Variants in KIDINS220 observed in about 807,000 individuals in gnomAD.
KIDINS220 encodes kinase D interacting substrate 220, also known as kinase D-interacting substrate of 220 kDa.
Under a neutral mutation model 157.6 loss-of-function variants are expected in KIDINS220, and 63 were observed. That is an observed-to-expected ratio of 0.40 (90% confidence interval 0.33 to 0.49). The LOEUF (loss-of-function observed/expected upper bound fraction) is 0.49. Among genes scored for constraint, KIDINS220 ranks in the 20% least tolerant of loss-of-function variants. The pLI is 0.66. For synonymous variants in KIDINS220, 732 were observed against 783.6 expected, an observed-to-expected ratio of 0.93 and a Z score of 1.10; for missense variants, 1,772 against 2,171.2, an observed-to-expected ratio of 0.82 and a Z score of 3.65.
At chr2:8,734,624 T>C (rs745470130) in intron 28 of KIDINS220, 31 bp downstream of exon 28, 19 of 1,406,272 alleles carry the variant, frequency 1.4e-5, no homozygotes, top group Non-Finnish European at 1.8e-5. Flanking sequence ...AAAATAATGT[T>C]GTAAACATCA....
downstream of KIDINS220, among the ~76,000 whole-genome samples, chr2:8,726,036 G>A (rs1476223986): frequency 6.6e-6 from 1 of 152,160 alleles, no homozygotes; most frequent in Non-Finnish European, 1.5e-5. Context: ...AAGCAGGAAC[G>A]CTTGTCTTTA....
chr2:8,782,421 T>A (rs1425132237), intron 17 of KIDINS220, among the ~76,000 whole-genome samples: 1 of 152,176 alleles, frequency 6.6e-6, no homozygotes, highest in African/African-American at 2.4e-5. Context: ...TACAAACAAC[T>A]CTATGCCCAC....
chr2:8,753,131 G>A (rs903607181), intron 22 of KIDINS220, among the ~76,000 whole-genome samples: 8 of 152,186 alleles, frequency 5.3e-5, no homozygotes, highest in African/African-American at 1.7e-4. Flanking sequence ...AAGACAAGAG[G>A]TAGATGAGAA....
chr2:8,765,535 T>C (rs1356804981), intron 22 of KIDINS220, among the ~76,000 whole-genome samples: 2 of 152,194 alleles, frequency 1.3e-5, no homozygotes, highest in Admixed American at 6.5e-5. Flanking sequence ...CAAGAAAGTA[T>C]TGCGACAGGG....
At chr2:8,742,673 T>C (rs1665788659) in intron 26 of KIDINS220, among the ~76,000 whole-genome samples, 1 of 151,712 alleles carries the variant, frequency 6.6e-6, no homozygotes. Context: ...GCTGAGGAGG[T>C]CAAGAAAGAA....
chr2:8,743,165 T>C (rs1387751336), intron 26 of KIDINS220, among the ~76,000 whole-genome samples: 1 of 152,108 alleles, frequency 6.6e-6, no homozygotes, highest in Admixed American at 6.6e-5. Context: ...CTGGAAAGCT[T>C]TCAAAATTTT....
chr2:8,797,963 A>G (rs1674194221), intron 10 of KIDINS220, among the ~76,000 whole-genome samples: 1 of 152,228 alleles, frequency 6.6e-6, no homozygotes, highest in Non-Finnish European at 1.5e-5. Context: ...AATAATAACA[A>G]TTTATGAATG....
At chr2:8,721,225 A>G (rs548963383), downstream of KIDINS220, 1 of 152,338 alleles carries the variant, frequency 6.6e-6, no homozygotes, top group South Asian at 2.1e-4. Flanking sequence ...ATATAGTGGT[A>G]TTTGGGATTA....
intron 4 of KIDINS220, among the ~76,000 whole-genome samples, chr2:8,816,421 A>G (rs903434747): frequency 6.6e-6 from 1 of 152,150 alleles, no homozygotes; most frequent in Non-Finnish European, 1.5e-5. Context: ...AATAAAATCA[A>G]CCTTAGTCCA....
At chr2:8,806,898 A>G (rs1675528852) in intron 6 of KIDINS220, among the ~76,000 whole-genome samples, 1 of 152,158 alleles carries the variant, frequency 6.6e-6, no homozygotes, top group Non-Finnish European at 1.5e-5. Context: ...AACTATTATA[A>G]TGAGTGACAA....
chr2:8,802,836 T>C (rs112585756), intron 8 of KIDINS220, 94 bp downstream of exon 8: 12,995 of 927,044 alleles, frequency 0.014, 135 homozygotes, highest in Middle Eastern at 0.033. Flanking sequence ...AACAAGTTTA[T>C]GTCATGCATG....
intron 24 of KIDINS220, among the ~76,000 whole-genome samples, chr2:8,748,402 T>C (rs1666864128): frequency 6.6e-6 from 1 of 152,192 alleles, no homozygotes; most frequent in Non-Finnish European, 1.5e-5. Flanking sequence ...AAAAAAAGAT[T>C]AGCCTAAATA....
intron 6 of KIDINS220, 106 bp from the exon 7 acceptor site, chr2:8,806,475 A>T (rs979488550): frequency 1.5e-4 from 99 of 666,302 alleles, no homozygotes; most frequent in Middle Eastern, 8.1e-4. Context: ...TCATTCTCAT[A>T]AAACTGTATA....
Position 8,812,411 on chromosome 2 carries a change from A to G in KIDINS220, c.488T>C (p.Val163Ala). 6.3e-7 allele frequency: 1 copy of G among 1,595,738 alleles called. No homozygotes were observed. The highest frequency in any genetic ancestry group is 8.5e-7 in the Non-Finnish European group (1 of 1,170,348). Residue 163 changes from valine (V) to alanine (A), a missense_variant, in exon 6 of 30, where the codon GTC becomes GCC. Around this residue, in one of 3 missense-constraint regions of KIDINS220, gnomAD observed 254 missense variants for 268.6 expected, o/e 0.95. Transcript: ENST00000256707. ...VHLLLQNGAK[V>A]NCSDKYGTTP... Reference sequence around the variant, plus strand: ...CTGACCTACCTTATCAGAGCAGTTGACTTTAGCACCATTTTGCAGTAAAAG... The same window carrying G: ...CTGACCTACCTTATCAGAGCAGTTGGCTTTAGCACCATTTTGCAGTAAAAG...
Position 8,812,444 on chromosome 2 carries a change from A to G in KIDINS220, c.455T>C (p.Ile152Thr), listed in dbSNP as rs757857341. The G allele has an allele frequency of 7.5e-6, 12 of 1,599,344 alleles. No homozygotes were observed. The South Asian group carries it at 9.0e-5, about 12-fold the overall frequency. Reference protein sequence around the residue: ...IWAAGRGHADIVHLLLQNGAK... With the variant: ...IWAAGRGHADTVHLLLQNGAK... ...ACCATTTTGCAGTAAAAGATGAACT[A>G]TATCTGCATGGCCTCTCCCTGCTGC... Residue 152 changes from isoleucine (I) to threonine (T), a missense_variant, in exon 6 of 30, where the codon ATA becomes ACA. By Grantham distance (89) the Ile-to-Thr change is moderately conservative. Transcript: ENST00000256707.
Position 8,735,878 on chromosome 2 carries a change from G to C in KIDINS220, c.3717+990C>G, listed in dbSNP as rs967236796. 4.6e-5 allele frequency among the ~76,000 whole-genome samples: 7 copies of C among 152,282 alleles called. No homozygotes were observed. In the East Asian group the frequency reaches 1.4e-3, roughly 29 times the overall value. On this transcript the variant is annotated intron_variant, in intron 27 of 29. Coordinates refer to ENST00000256707, the MANE Select transcript of KIDINS220 (RefSeq NM_020738.4). Reference sequence around the variant, plus strand: ...GGTCTAGGAGCAAAGAGCTGAGTGGGGAGAAAACCACTACCCCGATGGGAA... The same window carrying C: ...GGTCTAGGAGCAAAGAGCTGAGTGGCGAGAAAACCACTACCCCGATGGGAA...
chr2:8,767,603 G>A lies in KIDINS220; in HGVS notation c.3011+3067C>T, dbSNP rs572875253. On this transcript the variant is annotated intron_variant, in intron 22 of 29. Transcript: ENST00000256707. ...GCAATAATCCAGGCCAAATGATGGC[G>A]GGGAAGAGAGGGAAGGAGAGCTGAT... Among the ~76,000 whole-genome samples the A allele has an allele frequency of 9.9e-5, 15 of 152,198 alleles. No individual in the cohort carries two copies. In the South Asian group the frequency reaches 1.0e-3, roughly 11 times the overall value.
At position 8,779,704 on chromosome 2, in the gene KIDINS220, C is replaced by T; in HGVS notation, c.2340G>A (p.Glu780=). 6.2e-7 allele frequency: 1 copy of T among 1,614,188 alleles called. No homozygotes were observed. Among genetic ancestry groups the T allele is most frequent in the Non-Finnish European group, 8.5e-7 (1 of 1,180,012 alleles). The change falls in exon 18 of 30, where the codon GAG becomes GAA. Residue 780 remains glutamate, a synonymous_variant. Coordinates refer to ENST00000256707, the MANE Select transcript of KIDINS220 (RefSeq NM_020738.4). ...VVIIDGLDAC[E]QDKVLQMLDT... ...CCAGCATCTGAAGGACTTTGTCCTG[C>T]TCACAGGCATCTAATCCATCGATGA...
downstream of KIDINS220, chr2:8,726,862 C>T (rs1480052129): frequency 4.0e-6 from 5 of 1,254,666 alleles, no homozygotes; most frequent in Non-Finnish European, 5.2e-6. Flanking sequence ...CTGCAGCTGA[C>T]TTCGAAAACT....
Sources: allele counts gnomAD v4.1 joint callset (sites outside exome capture counted in the v4.1 genomes callset), GRCh38; gene constraint gnomAD v4.1.1; regional missense constraint gnomAD v4.1.1; transcripts MANE v1.5; gene names NCBI Gene and HGNC (gene_info 2026-07-23, HGNC 2026-07-21).